Variants in STAC observed in about 807,000 individuals in gnomAD.
STAC encodes SH3 and cysteine rich domain.
A neutral mutation model predicts 48.8 loss-of-function variants in STAC; 43 were observed. The ratio of observed to expected loss-of-function variants is 0.88; its 90% CI spans 0.69 to 1.14. The LOEUF (loss-of-function observed/expected upper bound fraction) is 1.14, where lower values mean the gene tolerates loss of function less well. Ranked by LOEUF, STAC falls within the 50% of genes most tolerant of loss-of-function variation. STAC has a pLI of 0.00. For missense variants in STAC, 497 were observed against 504.0 expected (o/e 0.99, Z 0.13); for synonymous variants, 193 against 179.5 (o/e 1.07, Z -0.60).
chr3:36,494,206 G>A (rs1698076688), intron 6 of STAC, among the ~76,000 whole-genome samples: 2 of 144,206 alleles, frequency 1.4e-5, no homozygotes, highest in South Asian at 4.6e-4. Flanking sequence ...AGAGCTTAAA[G>A]ACATGTGACC....
intron 2 of STAC, among the ~76,000 whole-genome samples, chr3:36,471,310 C>G (rs1296615939): frequency 6.6e-6 from 1 of 152,186 alleles, no homozygotes; most frequent in Non-Finnish European, 1.5e-5. Flanking sequence ...CACTTGGTCC[C>G]TCCCACAACA....
At chr3:36,384,159 T>C (rs538397960) in intron 1 of STAC, among the ~76,000 whole-genome samples, 74 of 152,300 alleles carry the variant, frequency 4.9e-4, no homozygotes, top group African/African-American at 1.7e-3. Context: ...TGTCCCATTA[T>C]CCCTTATTTC....
intron 8 of STAC, among the ~76,000 whole-genome samples, chr3:36,515,683 GAGGAAGC>G (rs1206909200): frequency 6.7e-6 from 1 of 149,708 alleles, no homozygotes; most frequent in Non-Finnish European, 1.5e-5. Flanking sequence ...ACACAGAGTA[GAGGAAGC>G]AGTCAGATTT....
intron 2 of STAC, among the ~76,000 whole-genome samples, chr3:36,473,819 C>T (rs1382845829): frequency 1.3e-5 from 2 of 152,170 alleles, no homozygotes; most frequent in African/African-American, 4.8e-5. Flanking sequence ...CCTGGCTTCA[C>T]TCTTCGAAGC....
At chr3:36,463,359 A>C (rs1697072337) in intron 2 of STAC, among the ~76,000 whole-genome samples, 1 of 152,062 alleles carries the variant, frequency 6.6e-6, no homozygotes, top group African/African-American at 2.4e-5. Context: ...TCCTCCTTGC[A>C]CCTTTGATGG....
chr3:36,505,632 G>T, intron 7 of STAC, 114 bp from the exon 8 acceptor site: 1 of 679,752 alleles, frequency 1.5e-6, no homozygotes, highest in South Asian at 1.9e-5. Flanking sequence ...TAACACTTAC[G>T]ATCCATACAC....
chr3:36,528,680 T>C lies in STAC; in HGVS notation c.921-16T>C. Reference sequence around the variant, plus strand: ...TTTTTTTTTCCTTTACCTAACTCATTCATTCTTCATTTTAGGCCAGGAGAC... The same window carrying C: ...TTTTTTTTTCCTTTACCTAACTCATCCATTCTTCATTTTAGGCCAGGAGAC... On this transcript the variant is annotated splice_polypyrimidine_tract_variant and intron_variant, in intron 8 of 10. Coordinates refer to ENST00000273183, the MANE Select transcript of STAC (RefSeq NM_003149.3). 1 of 1,583,012 alleles carries C rather than the reference T, an allele frequency of 6.3e-7. No homozygotes were observed. Among genetic ancestry groups the C allele is most frequent in the Non-Finnish European group, 8.6e-7 (1 of 1,167,322 alleles).
intron 1 of STAC, among the ~76,000 whole-genome samples, chr3:36,398,308 A>C (rs963532460): frequency 1.9e-4 from 21 of 111,352 alleles, no homozygotes; most frequent in Admixed American, 4.7e-4. Context: ...AGAAAGAAAG[A>C]AAGAAAGAAA....
chr3:36,434,015 A>G (rs1489614721), intron 1 of STAC, among the ~76,000 whole-genome samples: 1 of 152,184 alleles, frequency 6.6e-6, no homozygotes, highest in African/African-American at 2.4e-5. Context: ...GTGGGGTAAA[A>G]CTGTTGGTGA....
rs1418190556 is a variant in STAC, at chr3:36,528,947, T to G, written c.1072T>G (p.Cys358Gly). The change falls in exon 10 of 11, where the codon TGT (cysteine) becomes GGT (glycine). Residue 358 changes from cysteine (C) to glycine (G), a missense_variant. Coordinates refer to ENST00000273183, the MANE Select transcript of STAC (RefSeq NM_003149.3). ...TAGATGTGTTAGAACCTTCATTGGGTGTAAGGAACAGGGGCAGATAACACT... is the reference window on the plus strand; with the variant it reads ...TAGATGTGTTAGAACCTTCATTGGGGGTAAGGAACAGGGGCAGATAACACT... ...IFRCVRTFIGCKEQGQITLKE... is the reference protein window; with the variant it reads ...IFRCVRTFIGGKEQGQITLKE... 3 of 1,613,228 alleles carry G rather than the reference T, an allele frequency of 1.9e-6. No individual in the cohort carries two copies. The South Asian group carries it at 3.3e-5, about 18-fold the overall frequency.
At chr3:36,515,735 G>T (rs1031997830) in intron 8 of STAC, among the ~76,000 whole-genome samples, 3 of 152,108 alleles carry the variant, frequency 2.0e-5, no homozygotes, top group Admixed American at 6.6e-5. Flanking sequence ...TTCTAGTCTT[G>T]TCTTTGTCCT....
intron 2 of STAC, among the ~76,000 whole-genome samples, chr3:36,477,385 T>C (rs1264366242): frequency 1.3e-5 from 2 of 152,320 alleles, no homozygotes; most frequent in South Asian, 4.1e-4. Context: ...ATTTATGAAA[T>C]TGGATTGAGG....
chr3:36,402,407 G>A (rs7630285), intron 1 of STAC, among the ~76,000 whole-genome samples: 3,536 of 152,036 alleles, frequency 0.023, 61 homozygotes, highest in East Asian at 0.026. Context: ...TACTACATAC[G>A]ATCTTGTATG....
chr3:36,505,042 T>C (rs148937123), intron 7 of STAC, among the ~76,000 whole-genome samples: 286 of 152,282 alleles, frequency 1.9e-3, no homozygotes, highest in African/African-American at 6.5e-3. Context: ...ATTTATATGA[T>C]GCTTACAAGA....
intron 2 of STAC, among the ~76,000 whole-genome samples, chr3:36,478,288 T>C (rs758008430): frequency 1.3e-5 from 2 of 152,240 alleles, no homozygotes; most frequent in African/African-American, 2.4e-5. Flanking sequence ...GGCCAATTTA[T>C]GCCCTATTGT....
At chr3:36,464,530 G>A (rs1431578418) in intron 2 of STAC, among the ~76,000 whole-genome samples, 2 of 152,164 alleles carry the variant, frequency 1.3e-5, no homozygotes, top group African/African-American at 4.8e-5. Context: ...AGATTTTGGT[G>A]TACCTATTAC....
intron 10 of STAC, among the ~76,000 whole-genome samples, chr3:36,529,635 C>A (rs998680404): frequency 2.6e-5 from 4 of 152,160 alleles, no homozygotes; most frequent in Admixed American, 6.5e-5. Context: ...ATTTGTATGT[C>A]TTTAAGCTCC....
chr3:36,380,598 C>G lies in STAC; in HGVS notation c.-46C>G, dbSNP rs556484138. On this transcript the variant is annotated 5_prime_UTR_variant, in exon 1 of 11. Coordinates refer to ENST00000273183, the MANE Select transcript of STAC (RefSeq NM_003149.3). ...GCGGGCAGGGCGCGCAGGACAGAAG[C>G]CTCGCTGTTCCTCCGGGAGCCCAAC... 4.1e-6 allele frequency: 6 copies of G among 1,450,000 alleles called. No individual in the cohort carries two copies. The highest frequency in any genetic ancestry group is 5.7e-6 in the Non-Finnish European group (6 of 1,055,602). 89.8% of individuals were successfully genotyped at this position (1,450,000 alleles called of 1,614,324 possible).
At chr3:36,467,695 T>C (rs1295057826) in intron 2 of STAC, among the ~76,000 whole-genome samples, 2 of 152,118 alleles carry the variant, frequency 1.3e-5, no homozygotes, top group African/African-American at 2.4e-5. Context: ...TCATATCTCC[T>C]GTATCATAGG....
Sources: allele counts gnomAD v4.1 joint callset (sites outside exome capture counted in the v4.1 genomes callset), GRCh38; gene constraint gnomAD v4.1.1; transcripts MANE v1.5; gene names NCBI Gene and HGNC (gene_info 2026-07-23, HGNC 2026-07-21).